C2CD5: variants seen among roughly 807,000 people sequenced by gnomAD.
C2CD5 encodes C2 domain-containing protein 5.
In C2CD5, 109 loss-of-function variants were observed where a neutral mutation model predicts 130.3. The observed-to-expected ratio is 0.84, with a 90% CI of 0.72 to 0.98. The LOEUF (loss-of-function observed/expected upper bound fraction) is 0.98, where lower values mean the gene tolerates loss of function less well. C2CD5 is among the 50% of genes least tolerant of loss of function. The pLI is 0.00. For missense variants in C2CD5, 996 were observed against 1,261.8 expected (o/e 0.79, Z 3.19); for synonymous variants, 454 against 429.2 (o/e 1.06, Z -0.71).
intron 25 of C2CD5, among the ~76,000 whole-genome samples, chr12:22,455,942 C>G (rs1175407566): frequency 6.6e-6 from 1 of 152,176 alleles, no homozygotes; most frequent in African/African-American, 2.4e-5. Context: ...GCCTCAGCCT[C>G]CCAAAGTGGT....
intron 24 of C2CD5, among the ~76,000 whole-genome samples, chr12:22,458,201 C>G (rs1940361409): frequency 6.6e-6 from 1 of 152,080 alleles, no homozygotes; most frequent in Non-Finnish European, 1.5e-5. Flanking sequence ...AGAGAGTTGG[C>G]AATTTACTTC....
At position 22,474,798 on chromosome 12, in the gene C2CD5, T is replaced by C; in HGVS notation, c.1996A>G (p.Thr666Ala). The change falls in exon 16 of 27, where the codon ACA becomes GCA. Residue 666 changes from threonine to alanine, a missense_variant. This residue lies in a region of C2CD5 where 590 missense variants were observed against 631.4 expected (regional missense o/e 0.93). Coordinates refer to ENST00000446597, the MANE Select transcript of C2CD5 (RefSeq NM_001286176.2). The stretch of plus-strand genomic sequence containing the variant: ...TTCCCATGTGAAAGGTCTAATTCTG[T>C]AACTTCATCCGAGCTTTCTGATTGA... ...RSQSESSDEV[T>A]ELDLSHGKKD... The C allele has an allele frequency of 6.2e-7, 1 of 1,611,198 alleles. No individual in the cohort carries two copies. The highest frequency in any genetic ancestry group is 8.5e-7 in the Non-Finnish European group (1 of 1,178,342).
intron 2 of C2CD5, among the ~76,000 whole-genome samples, chr12:22,542,171 A>G (rs892054237): frequency 1.3e-5 from 2 of 152,216 alleles, no homozygotes; most frequent in African/African-American, 4.8e-5. Context: ...TAGTCCATCA[A>G]TAGCATCCCC....
At chr12:22,534,079 T>C (rs998909679) in intron 3 of C2CD5, among the ~76,000 whole-genome samples, 2 of 152,090 alleles carry the variant, frequency 1.3e-5, no homozygotes, top group African/African-American at 4.8e-5. Flanking sequence ...TCCCAGCTAC[T>C]AGGGAGGCTG....
intron 6 of C2CD5, 74 bp from the exon 7 acceptor site, chr12:22,523,698 G>T: frequency 1.7e-5 from 15 of 908,194 alleles, no homozygotes; most frequent in Non-Finnish European, 1.9e-5. Context: ...CATGGTAGTG[G>T]TAAAAAAAAA....
At chr12:22,519,277 C>CA in intron 7 of C2CD5, 5 of 1,514,170 alleles carry the variant, frequency 3.3e-6, no homozygotes, top group Non-Finnish European at 4.4e-6. Context: ...GAAAAGAAAA[C>CA]AATACATACA....
chr12:22,507,177 T>A (rs55771919), intron 9 of C2CD5, among the ~76,000 whole-genome samples: 24,077 of 152,000 alleles, frequency 0.16, 3,777 homozygotes, highest in African/African-American at 0.41. Context: ...CCTCTTCCCC[T>A]TTATCTATCA....
At chr12:22,476,309 G>A (rs972956890) in intron 15 of C2CD5, among the ~76,000 whole-genome samples, 3 of 151,968 alleles carry the variant, frequency 2.0e-5, no homozygotes, top group Non-Finnish European at 4.4e-5. Flanking sequence ...ATAGTGGCCT[G>A]GTAATCAACC....
intron 14 of C2CD5, 132 bp downstream of exon 14, chr12:22,482,425 G>C (rs1944867975): frequency 1.5e-6 from 1 of 670,268 alleles, no homozygotes; most frequent in East Asian, 2.8e-5. Flanking sequence ...TTCTTAAAAT[G>C]TCCTCGTCCC....
chr12:22,512,654 C>T, intron 9 of C2CD5: 1 of 1,491,132 alleles, frequency 6.7e-7, no homozygotes, highest in Non-Finnish European at 8.9e-7. Flanking sequence ...TACCCGCCTT[C>T]TACAGAACCT....
intron 9 of C2CD5, among the ~76,000 whole-genome samples, chr12:22,511,019 A>C (rs1272932042): frequency 6.6e-6 from 1 of 152,126 alleles, no homozygotes; most frequent in African/African-American, 2.4e-5. Context: ...CATAGGTGGA[A>C]CTTAAATCTA....
In C2CD5 at chr12:22,458,599, C is replaced by A; in HGVS notation, c.2585-14G>T. On this transcript the variant is annotated splice_polypyrimidine_tract_variant and intron_variant, in intron 23 of 26. Coordinates refer to ENST00000446597, the MANE Select transcript of C2CD5 (RefSeq NM_001286176.2). ...CAACTGACGTTGCTGAAAACACAGA[C>A]AGAAAACAAAAGAAAAAAACAAAGA... is the stretch of plus-strand genomic sequence containing the variant. 8.3e-7 allele frequency: 1 copy of A among 1,208,872 alleles called. No individual in the cohort carries two copies. The highest frequency in any genetic ancestry group is 1.0e-6 in the Non-Finnish European group (1 of 955,398). 74.9% of individuals were successfully genotyped at this position (1,208,872 alleles called of 1,614,324 possible). A position where few individuals can be genotyped will look rare whatever the true frequency, so the allele number is the denominator to read the frequency against.
intron 10 of C2CD5, among the ~76,000 whole-genome samples, chr12:22,500,903 T>G (rs911965455): frequency 6.6e-6 from 1 of 152,196 alleles, no homozygotes; most frequent in Non-Finnish European, 1.5e-5. Flanking sequence ...ACAGTGTAAA[T>G]GAGCAATTCT....
intron 22 of C2CD5, among the ~76,000 whole-genome samples, chr12:22,467,517 G>A (rs756302724): frequency 3.9e-5 from 6 of 152,140 alleles, no homozygotes; most frequent in Non-Finnish European, 5.9e-5. Context: ...TTCAAAATGG[G>A]AATATGTTAA....
At chr12:22,452,812 G>A (rs1325275516) in intron 26 of C2CD5, among the ~76,000 whole-genome samples, 1 of 152,168 alleles carries the variant, frequency 6.6e-6, no homozygotes, top group Non-Finnish European at 1.5e-5. Context: ...TGTGCCAGTA[G>A]TCCCAGCCAC....
chr12:22,472,313 A>G lies in C2CD5; in HGVS notation c.2142T>C (p.Gly714=). 1 of 1,517,234 alleles carries G rather than the reference A, an allele frequency of 6.6e-7. No homozygotes were observed. The highest frequency in any genetic ancestry group is 1.4e-5 in the African/African-American group (1 of 72,110). 94.0% of individuals were successfully genotyped at this position (1,517,234 alleles called of 1,614,324 possible). A position where few individuals can be genotyped will look rare whatever the true frequency, so the allele number is the denominator to read the frequency against. The change falls in exon 18 of 27, where the codon GGT becomes GGC. Residue 714 remains glycine (G), a synonymous_variant. Coordinates refer to ENST00000446597, the MANE Select transcript of C2CD5 (RefSeq NM_001286176.2). ...GTATTTCAGAGGTCCAATTATTTAT[A>G]CCGGGCATAATTTCTGTATTACAAC... ...FYSCNTEIMP[G]INNWTSEIQM...
chr12:22,475,897 G>C (rs1943772599), intron 15 of C2CD5, among the ~76,000 whole-genome samples: 1 of 152,056 alleles, frequency 6.6e-6, no homozygotes, highest in Admixed American at 6.6e-5. Flanking sequence ...AGCAAGTGTA[G>C]AGCCAGTCTA....
At chr12:22,479,445 A>T (rs1944386063) in intron 14 of C2CD5, among the ~76,000 whole-genome samples, 2 of 152,146 alleles carry the variant, frequency 1.3e-5, no homozygotes, top group Non-Finnish European at 2.9e-5. Context: ...GTTGCTAAAA[A>T]ATAAATTTTT....
chr12:22,464,081 A>T (rs1464204614), intron 22 of C2CD5, among the ~76,000 whole-genome samples: 1 of 152,190 alleles, frequency 6.6e-6, no homozygotes, highest in Non-Finnish European at 1.5e-5. Context: ...ATCTATAACG[A>T]TACTCAAATA....
Sources: allele counts gnomAD v4.1 joint callset (sites outside exome capture counted in the v4.1 genomes callset), GRCh38; gene constraint gnomAD v4.1.1; regional missense constraint gnomAD v4.1.1; transcripts MANE v1.5; gene names NCBI Gene and HGNC (gene_info 2026-07-23, HGNC 2026-07-21).